Variants in GMPPB observed in about 807,000 individuals in gnomAD.
GMPPB encodes the protein mannose-1-phosphate guanylyltransferase catalytic subunit beta.
GMPPB carries 38 observed loss-of-function variants against 40.3 expected under a neutral mutation model. The ratio of observed to expected loss-of-function variants is 0.94; its 90% CI spans 0.73 to 1.24. GMPPB has a LOEUF of 1.24. Among genes scored for constraint, GMPPB ranks in the 50% most tolerant of loss-of-function variants. GMPPB has a pLI of 0.00. For missense variants in GMPPB, 436 were observed against 487.1 expected, an observed-to-expected ratio of 0.90 and a Z score of 0.99; for synonymous variants, 193 against 191.8, an observed-to-expected ratio of 1.01 and a Z score of -0.05.
At chr3:49,722,882 T>G in intron 4 of GMPPB, 90 bp downstream of exon 4, 1 of 1,525,108 alleles carries the variant, frequency 6.6e-7, no homozygotes. Flanking sequence ...TCTGTATCCA[T>G]AACATCCGAA....
Position 49,722,085 on chromosome 3 carries a change from G to A in GMPPB, c.831C>T (p.Gly277=), listed in dbSNP as rs763262592. 18 of 1,613,482 alleles carry A rather than the reference G, an allele frequency of 1.1e-5. No individual in the cohort carries two copies. In the Admixed American group the frequency reaches 1.2e-4, roughly 10 times the overall value. ...TACACACACCATCTTCGACCACCAC[G>A]CCAGGTCCCAGGCTCACATTGGGGC... The part of the protein sequence containing the change: ...SIGPNVSLGP[G]VVVEDGVCIR... The change falls in exon 8 of 9, where the codon GGC becomes GGT. Residue 277 remains glycine (G), a synonymous_variant. Coordinates refer to ENST00000308388, the MANE Select transcript of GMPPB (RefSeq NM_021971.4).
rs1559695076 is a variant in GMPPB, at chr3:49,721,149, C to T, written c.*603G>A. 12 of 1,613,948 alleles carry T rather than the reference C, an allele frequency of 7.4e-6. No individual in the cohort carries two copies. The highest frequency in any genetic ancestry group is 9.3e-6 in the Non-Finnish European group (11 of 1,179,948). On this transcript the variant is annotated 3_prime_UTR_variant, in exon 9 of 9. Transcript: ENST00000308388. ...TTGGTGGTGGGGAGAGCAGTAGGTA[C>T]ATGCAGGGCAGTCCTCATCCCCTCC...
chr3:49,720,638 T>G lies in GMPPB; in HGVS notation c.*1114A>C. 5.0e-6 allele frequency: 8 copies of G among 1,601,070 alleles called. No individual in the cohort carries two copies. Among genetic ancestry groups the G allele is most frequent in the Non-Finnish European group, 6.8e-6 (8 of 1,171,058 alleles). On this transcript the variant is annotated 3_prime_UTR_variant, in exon 9 of 9. Coordinates refer to ENST00000308388, the MANE Select transcript of GMPPB (RefSeq NM_021971.4). ...TCTGCCAGCCCCTGACCGGAAGCGC[T>G]TCTCCCTGCAGAGCTGTGAGTGGGC... is the stretch of plus-strand genomic sequence containing the variant.
Position 49,720,523 on chromosome 3 carries a change from C to T in GMPPB, c.*1229G>A. ...CTCCCCTACCTAGGAGAGAGCAAGC[C>T]ACATCAGTGCTCCTGGCAGATCCCT... On this transcript the variant is annotated 3_prime_UTR_variant, in exon 9 of 9. Transcript: ENST00000308388. 1 of 1,594,998 alleles carries T rather than the reference C, an allele frequency of 6.3e-7. No individual in the cohort carries two copies. Among genetic ancestry groups the T allele is most frequent in the Non-Finnish European group, 8.6e-7 (1 of 1,169,354 alleles).
chr3:49,723,690 G>T lies in GMPPB; in HGVS notation c.37C>A (p.Arg13=). Residue 13 remains arginine, a synonymous_variant, in exon 1 of 9, where the codon CGG becomes AGG. Transcript: ENST00000308388. ...GTGCTCAGCGTCAGCGGCCGTAGCC[G>T]CGTCCCATAGCCCCCCACTAAGATC... The part of the protein sequence containing the change: ...ALILVGGYGT[R]LRPLTLSTPK... The T allele has an allele frequency of 6.3e-7, 1 of 1,589,184 alleles. No homozygotes were observed. Among genetic ancestry groups the T allele is most frequent in the Non-Finnish European group, 8.5e-7 (1 of 1,169,678 alleles).
chr3:49,722,487 CT>C lies in GMPPB; in HGVS notation c.584del (p.Lys195ArgfsTer42). On this transcript the variant is annotated frameshift_variant, in exon 6 of 9. Coordinates refer to ENST00000308388, the MANE Select transcript of GMPPB (RefSeq NM_021971.4). LOFTEE classifies it high-confidence loss of function. ...CCTTGGCCATAATGGGGAAGACCTCCTTCTCAATGGACGTAGGCTGCAGCTG... is the reference window on the plus strand; with the variant it reads ...CCTTGGCCATAATGGGGAAGACCTCCTCTCAATGGACGTAGGCTGCAGCTG... The part of the protein sequence containing the change: ...RIQLQPTSIE[K>X]EVFPIMAKEG... 1 of 1,614,202 alleles carries C rather than the reference CT, an allele frequency of 6.2e-7. No homozygotes were observed. The highest frequency in any genetic ancestry group is 1.1e-5 in the South Asian group (1 of 91,090).
intron 4 of GMPPB, 64 bp downstream of exon 4, chr3:49,722,908 G>A (rs369525656): frequency 3.8e-6 from 6 of 1,571,414 alleles, no homozygotes; most frequent in East Asian, 2.2e-5. Flanking sequence ...ATGAAGGCTA[G>A]GGGGCATGGG....
chr3:49,723,380 TCTGTGCCTCACCCTCTGCTC>T lies in GMPPB; in HGVS notation c.202_210+11del, dbSNP rs745637360. The T allele has an allele frequency of 6.2e-7, 1 of 1,613,132 alleles. No homozygotes were observed. The highest frequency in any genetic ancestry group is 1.3e-5 in the African/African-American group (1 of 74,658). The stretch of plus-strand genomic sequence containing the variant: ...GGGGACCGAGAATAAGGGCCAAGAG[TCTGTGCCTCACCCTCTGCTC>T]CTGTGCCTTCATTTCCTTCTCCAGC... On this transcript the variant is annotated splice_donor_variant and splice_donor_5th_base_variant and coding_sequence_variant and intron_variant, in exon 2 of 9. Coordinates refer to ENST00000308388, the MANE Select transcript of GMPPB (RefSeq NM_021971.4). LOFTEE classifies it high-confidence loss of function.
In GMPPB at chr3:49,723,278, G is replaced by T. The variant is rs759478164; in HGVS notation, c.235C>A (p.His79Asn). 2 of 1,614,136 alleles carry T rather than the reference G, an allele frequency of 1.2e-6. No individual in the cohort carries two copies. The highest frequency in any genetic ancestry group is 2.2e-5 in the East Asian group (1 of 44,888). Residue 79 changes from histidine to asparagine, a missense_variant, in exon 3 of 9, where the codon CAT becomes AAT. Coordinates refer to ENST00000308388, the MANE Select transcript of GMPPB (RefSeq NM_021971.4). ...QRLGIRISMS[H>N]EEEPLGTAGP... ...CCTGTCCCCAAAGGCTCCTCTTCAT[G>T]GGACATGGAGATTCGGATTCCCAGC...
Position 49,721,529 on chromosome 3 carries a change from AGCCCTG to A in GMPPB, c.*217_*222del, listed in dbSNP as rs1340722910. 1.7e-5 allele frequency: 14 copies of A among 812,354 alleles called. No individual in the cohort carries two copies. The highest frequency in any genetic ancestry group is 2.2e-4 in the Middle Eastern group (1 of 4,588). 50.3% of individuals were successfully genotyped at this position (812,354 alleles called of 1,614,324 possible). ...TGAGCATTAAATTATTATTCCATACAGCCCTGGCCCTGGCCCTTCTTGAGGGAGTGG... is the reference window on the plus strand; with the variant it reads ...TGAGCATTAAATTATTATTCCATACAGCCCTGGCCCTTCTTGAGGGAGTGG... On this transcript the variant is annotated 3_prime_UTR_variant, in exon 9 of 9. Transcript: ENST00000308388.
Position 49,723,657 on chromosome 3 carries a change from G to T in GMPPB, c.70C>A (p.Pro24Thr). Reference sequence around the variant, plus strand: ...GGCTTATTGCAGAAGTCCACCAGTGGCTTCGGGGTGCTCAGCGTCAGCGGC... The same window carrying T: ...GGCTTATTGCAGAAGTCCACCAGTGTCTTCGGGGTGCTCAGCGTCAGCGGC... ...LRPLTLSTPK[P>T]LVDFCNKPIL... The change falls in exon 1 of 9, where the codon CCA (proline) becomes ACA (threonine). Residue 24 changes from proline to threonine, a missense_variant. Transcript: ENST00000308388. 1 of 1,581,298 alleles carries T rather than the reference G, an allele frequency of 6.3e-7. No homozygotes were observed.
Position 49,720,508 on chromosome 3 carries a change from T to C in GMPPB, c.*1244A>G, listed in dbSNP as rs371778146. 6 of 1,573,942 alleles carry C rather than the reference T, an allele frequency of 3.8e-6. No individual in the cohort carries two copies. In the African/African-American group the frequency reaches 8.1e-5, roughly 21 times the overall value. ...GACTGCCCTTGCACCCTCCCCTACCTAGGAGAGAGCAAGCCACATCAGTGC... is the reference window on the plus strand; with the variant it reads ...GACTGCCCTTGCACCCTCCCCTACCCAGGAGAGAGCAAGCCACATCAGTGC... On this transcript the variant is annotated 3_prime_UTR_variant, in exon 9 of 9. Transcript: ENST00000308388.
chr3:49,722,434 T>C lies in GMPPB; in HGVS notation c.638A>G (p.Gln213Arg), dbSNP rs2080430729. The C allele has an allele frequency of 1.2e-6, 2 of 1,614,146 alleles. No homozygotes were observed. ...KEGQLYAMEL[Q>R]GFWMDIGQPK... ...ACCCTGTGGCCTCCCTGCCTCACCCTGTAACTCCATGGCATATAGCTGCCC... is the reference window on the plus strand; with the variant it reads ...ACCCTGTGGCCTCCCTGCCTCACCCCGTAACTCCATGGCATATAGCTGCCC... Residue 213 changes from glutamine to arginine, a missense_variant and splice_region_variant, in exon 6 of 9, where the codon CAG becomes CGG. Coordinates refer to ENST00000308388, the MANE Select transcript of GMPPB (RefSeq NM_021971.4).
Position 49,721,836 on chromosome 3 carries a change from A to G in GMPPB, c.999T>C (p.Asn333=). The G allele has an allele frequency of 5.0e-6, 8 of 1,613,776 alleles. No individual in the cohort carries two copies. Among genetic ancestry groups the G allele is most frequent in the African/African-American group, 1.3e-5 (1 of 75,028 alleles). ...TGGCTCCGTTGAGGTAGAGCTCATC[A>G]TTAACTATGACGTCCTCACCCAGCA... The part of the protein sequence containing the change: ...VTVLGEDVIV[N]DELYLNGASV... Residue 333 remains asparagine, a synonymous_variant, in exon 9 of 9, where the codon AAT becomes AAC. Transcript: ENST00000308388.
chr3:49,723,123 A>AG lies in GMPPB; in HGVS notation c.260-10dup. On this transcript the variant is annotated splice_polypyrimidine_tract_variant and intron_variant, in intron 3 of 8. Transcript: ENST00000308388. ...CAGCGCCAGGGGCCCAGCTGGGGGA[A>AG]GGGGACAGGTCACCACCTTGCTGGA... is the stretch of plus-strand genomic sequence containing the variant. The AG allele has an allele frequency of 1.2e-6, 2 of 1,613,856 alleles. No homozygotes were observed. Among genetic ancestry groups the AG allele is most frequent in the Non-Finnish European group, 1.7e-6 (2 of 1,179,884 alleles).
At chr3:49,723,547 C>G (rs369648438) in intron 1 of GMPPB, 51 bp downstream of exon 1, 2 of 1,610,020 alleles carry the variant, frequency 1.2e-6, no homozygotes, top group Non-Finnish European at 1.7e-6. Flanking sequence ...GCTGGCCATC[C>G]CTAGTCCCGC....
intron 3 of GMPPB, 40 bp from the exon 4 acceptor site, chr3:49,723,154 G>A (rs755806372): frequency 3.1e-6 from 5 of 1,612,908 alleles, no homozygotes; most frequent in Non-Finnish European, 4.2e-6. Context: ...CTGGAGGTCT[G>A]AGTCCCTGGA....
Position 49,721,388 on chromosome 3 carries a change from T to A in GMPPB, c.*364A>T. 6.4e-7 allele frequency: 1 copy of A among 1,562,596 alleles called. No individual in the cohort carries two copies. The highest frequency in any genetic ancestry group is 8.8e-7 in the Non-Finnish European group (1 of 1,133,818). On this transcript the variant is annotated 3_prime_UTR_variant, in exon 9 of 9. Coordinates refer to ENST00000308388, the MANE Select transcript of GMPPB (RefSeq NM_021971.4). ...CCCTATTTATGAGCTCCCTTTGCCC[T>A]TCTCCTGTATCCCACACCACCACAT...
At position 49,723,580 on chromosome 3, in the gene GMPPB, C is replaced by G; in HGVS notation, c.129+18G>C. 1 of 1,603,114 alleles carries G rather than the reference C, an allele frequency of 6.2e-7. No homozygotes were observed. Among genetic ancestry groups the G allele is most frequent in the Non-Finnish European group, 8.5e-7 (1 of 1,174,068 alleles). On this transcript the variant is annotated intron_variant, in intron 1 of 8. Coordinates refer to ENST00000308388, the MANE Select transcript of GMPPB (RefSeq NM_021971.4). Reference sequence around the variant, plus strand: ...CGCCAGATCCGAACGCGACTCTGATCCCGACCCAGGGTCTTACCGCGGCTA... The same window carrying G: ...CGCCAGATCCGAACGCGACTCTGATGCCGACCCAGGGTCTTACCGCGGCTA...
Sources: allele counts gnomAD v4.1 joint callset, GRCh38; gene constraint gnomAD v4.1.1; transcripts MANE v1.5; gene names NCBI Gene and HGNC (gene_info 2026-07-23, HGNC 2026-07-21).